Variants in DIAPH3 observed in about 807,000 individuals in gnomAD.
The protein encoded by DIAPH3 is protein diaphanous homolog 3.
DIAPH3 carries 117 observed loss-of-function variants against 144.3 expected under a neutral mutation model. The observed-to-expected ratio is 0.81, with a 90% CI of 0.70 to 0.95. DIAPH3 has a LOEUF of 0.95. DIAPH3 is among the 40% of genes least tolerant of loss of function. The pLI is 0.00. For synonymous variants in DIAPH3, 519 were observed against 488.9 expected (o/e 1.06, Z -0.81); for missense variants, 1,421 against 1,412.7 (o/e 1.01, Z -0.09).
At chr13:60,070,149 T>C (rs2057143527) in intron 4 of DIAPH3, among the ~76,000 whole-genome samples, 1 of 152,166 alleles carries the variant, frequency 6.6e-6, no homozygotes. Flanking sequence ...TTGTCTCTAA[T>C]TTATCTCAGC....
chr13:59,700,802 G>T (rs1353089108), intron 27 of DIAPH3, among the ~76,000 whole-genome samples: 1 of 152,124 alleles, frequency 6.6e-6, no homozygotes, highest in Non-Finnish European at 1.5e-5. Context: ...AATAAAGATT[G>T]CTTGGTTATC....
At chr13:60,059,764 G>A (rs1447943955) in intron 4 of DIAPH3, among the ~76,000 whole-genome samples, 1 of 152,014 alleles carries the variant, frequency 6.6e-6, no homozygotes, top group Non-Finnish European at 1.5e-5. Flanking sequence ...TTCATTGAAG[G>A]ATGAAGATGT....
Position 59,949,505 on chromosome 13 carries a change from T to C in DIAPH3, c.2074+20439A>G, listed in dbSNP as rs909292897. ...ATAATCTGAAATAAAACCTCAGTAATATAACCAGGGTCAGCAAACTATAGC... is the reference window on the plus strand; with the variant it reads ...ATAATCTGAAATAAAACCTCAGTAACATAACCAGGGTCAGCAAACTATAGC... On this transcript the variant is annotated intron_variant, in intron 17 of 27. Transcript: ENST00000400324. Among the ~76,000 whole-genome samples the C allele has an allele frequency of 5.9e-5, 9 of 152,166 alleles. 1 individual carries two copies. Among genetic ancestry groups the C allele is most frequent in the Middle Eastern group, 6.3e-3 (2 of 316 alleles).
chr13:59,932,233 GA>G (rs2048054590), intron 17 of DIAPH3, among the ~76,000 whole-genome samples: 1 of 151,942 alleles, frequency 6.6e-6, no homozygotes, highest in Admixed American at 6.6e-5. Flanking sequence ...TTTACATTCT[GA>G]AACATTTCGT....
At chr13:60,133,022 A>C in intron 1 of DIAPH3, 33 bp from the exon 2 acceptor site, 1 of 1,487,108 alleles carries the variant, frequency 6.7e-7, no homozygotes, top group Non-Finnish European at 9.4e-7. Flanking sequence ...CATATTAGTA[A>C]TTTATAACAG....
intron 17 of DIAPH3, 95 bp from the exon 18 acceptor site, chr13:59,924,965 G>T: frequency 1.3e-6 from 2 of 1,489,454 alleles, no homozygotes; most frequent in Non-Finnish European, 1.8e-6. Flanking sequence ...AAGCTAAAAA[G>T]GATGTAACTC....
chr13:60,079,651 A>G (rs563920655), intron 4 of DIAPH3, among the ~76,000 whole-genome samples: 2 of 151,842 alleles, frequency 1.3e-5, no homozygotes, highest in Non-Finnish European at 2.9e-5. Context: ...TCTTATGGGC[A>G]TGTCTTATGT....
intron 21 of DIAPH3, among the ~76,000 whole-genome samples, chr13:59,870,248 C>G (rs781775742): frequency 6.6e-6 from 1 of 151,660 alleles, no homozygotes; most frequent in Non-Finnish European, 1.5e-5. Context: ...TACCTTTGTT[C>G]CTTTGTCAAA....
At chr13:60,034,139 G>A (rs1353706107) in intron 5 of DIAPH3, among the ~76,000 whole-genome samples, 1 of 152,122 alleles carries the variant, frequency 6.6e-6, no homozygotes, top group African/African-American at 2.4e-5. Context: ...TTTAGTATCT[G>A]CAGTTTAATA....
chr13:59,869,545 G>T (rs549627506), intron 21 of DIAPH3, among the ~76,000 whole-genome samples: 1 of 152,266 alleles, frequency 6.6e-6, no homozygotes, highest in Non-Finnish European at 1.5e-5. Context: ...TTTTAACAAG[G>T]CCTCTAAAAA....
intron 25 of DIAPH3, among the ~76,000 whole-genome samples, chr13:59,782,197 T>C (rs2038775676): frequency 6.6e-6 from 1 of 152,110 alleles, no homozygotes; most frequent in African/African-American, 2.4e-5. Flanking sequence ...ATTTACATAG[T>C]GCCAATATTA....
intron 27 of DIAPH3, among the ~76,000 whole-genome samples, chr13:59,763,678 T>C (rs1566276198): frequency 6.6e-6 from 1 of 151,946 alleles, no homozygotes; most frequent in Admixed American, 6.6e-5. Context: ...AGAGAAACCC[T>C]GTCACAAAAA....
intron 4 of DIAPH3, among the ~76,000 whole-genome samples, chr13:60,068,825 C>A (rs900882086): frequency 6.6e-6 from 1 of 152,236 alleles, no homozygotes; most frequent in Middle Eastern, 3.4e-3. Flanking sequence ...TGATTTCATT[C>A]TTTTTTATGC....
At chr13:60,032,358 T>C (rs988306921) in intron 5 of DIAPH3, among the ~76,000 whole-genome samples, 2 of 152,214 alleles carry the variant, frequency 1.3e-5, no homozygotes, top group African/African-American at 4.8e-5. Flanking sequence ...GCAGAGGTTC[T>C]ATGTGAGGAT....
chr13:59,817,211 TAATCA>T (rs949123987), intron 24 of DIAPH3, among the ~76,000 whole-genome samples: 9 of 151,946 alleles, frequency 5.9e-5, no homozygotes, highest in African/African-American at 1.9e-4. Context: ...CTATATACAC[TAATCA>T]AATCAAGTCT....
intron 27 of DIAPH3, among the ~76,000 whole-genome samples, chr13:59,711,060 T>C (rs896140906): frequency 6.6e-6 from 1 of 152,216 alleles, no homozygotes; most frequent in Non-Finnish European, 1.5e-5. Flanking sequence ...CATTTTAATA[T>C]AGACTTTCCA....
At chr13:59,824,956 A>G (rs1474075230) in intron 24 of DIAPH3, among the ~76,000 whole-genome samples, 3 of 152,138 alleles carry the variant, frequency 2.0e-5, no homozygotes, top group Non-Finnish European at 2.9e-5. Flanking sequence ...ATTCTATATG[A>G]GAACAGGTGA....
chr13:59,793,592 C>T (rs980290003), intron 25 of DIAPH3, among the ~76,000 whole-genome samples: 1 of 152,180 alleles, frequency 6.6e-6, no homozygotes, highest in African/African-American at 2.4e-5. Context: ...TCTTGGTCTT[C>T]CTACTACTTT....
intron 16 of DIAPH3, among the ~76,000 whole-genome samples, chr13:59,970,288 T>C (rs1433076824): frequency 6.6e-6 from 1 of 152,220 alleles, no homozygotes; most frequent in African/African-American, 2.4e-5. Flanking sequence ...TGAAATACGA[T>C]TTAATTAGCT....
Sources: gnomAD v4.1 joint callset for allele counts (sites outside exome capture counted in the v4.1 genomes callset) on GRCh38, gnomAD v4.1.1 for gene constraint, MANE v1.5 for transcripts, NCBI Gene and HGNC (gene_info 2026-07-23, HGNC 2026-07-21) for gene names.